ULK2: variants seen among roughly 807,000 people sequenced by gnomAD.
ULK2 encodes serine/threonine-protein kinase ULK2.
A neutral mutation model predicts 127.5 loss-of-function variants in ULK2; 76 were observed. The ratio of observed to expected loss-of-function variants is 0.60; its 90% confidence interval spans 0.50 to 0.72. ULK2 has a LOEUF of 0.72. Among genes scored for constraint, ULK2 ranks in the 30% least tolerant of loss-of-function variants. The pLI, the probability that ULK2 is intolerant of heterozygous loss-of-function variation, is 0.00. For synonymous variants in ULK2, 452 were observed against 461.9 expected (o/e 0.98, Z 0.28); for missense variants, 1,144 against 1,295.9 (o/e 0.88, Z 1.80).
intron 1 of ULK2, among the ~76,000 whole-genome samples, chr17:19,866,972 A>T (rs899163404): frequency 1.3e-5 from 2 of 152,004 alleles, no homozygotes; most frequent in Non-Finnish European, 2.9e-5. Context: ...GGGCACGGGG[A>T]AAAAAACCAA....
intron 1 of ULK2, among the ~76,000 whole-genome samples, chr17:19,866,553 C>G (rs573305451): frequency 6.6e-6 from 1 of 152,050 alleles, no homozygotes; most frequent in South Asian, 2.1e-4. Context: ...TTACTTCATC[C>G]GATAAGCAAC....
chr17:19,822,569 T>C (rs2041178687), intron 12 of ULK2, among the ~76,000 whole-genome samples: 1 of 151,886 alleles, frequency 6.6e-6, no homozygotes, highest in Non-Finnish European at 1.5e-5. Flanking sequence ...GGTTTTGGCA[T>C]GTTGGCCAGG....
In ULK2 at chr17:19,783,812, G is replaced by A; in HGVS notation, c.2345C>T (p.Pro782Leu). The change falls in exon 22 of 27, where the codon CCA becomes CTA. Residue 782 changes from proline (P) to leucine (L), a missense_variant. By Grantham distance (98) the Pro-to-Leu change is moderately conservative. Transcript: ENST00000395544. ...PPGPGFGSSP[P>L]GAEAAPSLRY... is the part of the protein sequence containing the mutation. ...CAGGCTGGGAGCTGCCTCTGCTCCT[G>A]GAGGGGAAGAGCCGAAGCCTGGGCC... 6.2e-7 allele frequency: 1 copy of A among 1,604,402 alleles called. No individual in the cohort carries two copies. Among genetic ancestry groups the A allele is most frequent in the Non-Finnish European group, 8.5e-7 (1 of 1,175,248 alleles).
At chr17:19,781,132 T>A in intron 23 of ULK2, 28 bp from the exon 24 acceptor site, 1 of 1,606,472 alleles carries the variant, frequency 6.2e-7, no homozygotes. Flanking sequence ...TAGCAGAGGG[T>A]TATCTTGTGA....
chr17:19,857,939 T>G (rs1223481954), intron 3 of ULK2, among the ~76,000 whole-genome samples: 1 of 151,986 alleles, frequency 6.6e-6, no homozygotes, highest in Non-Finnish European at 1.5e-5. Flanking sequence ...TTGGGAAACT[T>G]ACTTTATTTT....
intron 3 of ULK2, chr17:19,855,643 C>T (rs1455936229): frequency 6.8e-6 from 1 of 146,320 alleles, no homozygotes; most frequent in Non-Finnish European, 1.5e-5. Flanking sequence ...TAAAGTAAGA[C>T]CCCCCCACAA....
Position 19,787,055 on chromosome 17 carries a change from T to C in ULK2, c.2102-969A>G, listed in dbSNP as rs537772476. 5.3e-5 allele frequency among the ~76,000 whole-genome samples: 8 copies of C among 151,446 alleles called. 1 individual carries two copies. In the South Asian group the frequency reaches 6.3e-4, roughly 12 times the overall value. ...CACTCTGTCGCCAGGCTGGAGTGCATTGGCACGATCTCAGCTCACTGCAAC... is the reference window on the plus strand; with the variant it reads ...CACTCTGTCGCCAGGCTGGAGTGCACTGGCACGATCTCAGCTCACTGCAAC... On this transcript the variant is annotated intron_variant, in intron 20 of 26. Coordinates refer to ENST00000395544, the MANE Select transcript of ULK2 (RefSeq NM_014683.4).
intron 5 of ULK2, among the ~76,000 whole-genome samples, chr17:19,847,603 G>A (rs2041914160): frequency 6.6e-6 from 1 of 152,136 alleles, no homozygotes; most frequent in Non-Finnish European, 1.5e-5. Flanking sequence ...AGGCTGGAGT[G>A]CAGTGGCACA....
chr17:19,862,942 G>T (rs893591869), intron 3 of ULK2, among the ~76,000 whole-genome samples: 3 of 152,152 alleles, frequency 2.0e-5, no homozygotes, highest in African/African-American at 7.2e-5. Flanking sequence ...GACCGGGAGT[G>T]GTGGCTTACA....
In ULK2 at chr17:19,797,553, C is replaced by G. The variant is rs1567683823; in HGVS notation, c.1652G>C (p.Cys551Ser). ...GTACCCAGCCCCAGTATGGGATGGGCACACGGGGTCAGAGTGCTGTTTTCT... is the reference window on the plus strand; with the variant it reads ...GTACCCAGCCCCAGTATGGGATGGGGACACGGGGTCAGAGTGCTGTTTTCT... Reference protein sequence around the residue: ...KLRKQHSDPVCPSHTGAGYSY... With the variant: ...KLRKQHSDPVSPSHTGAGYSY... Residue 551 changes from cysteine to serine, a missense_variant, in exon 18 of 27, where the codon TGC becomes TCC. By Grantham distance (112) the Cys-to-Ser change is moderately radical. Around this residue, in one of 2 missense-constraint regions of ULK2, gnomAD observed 913 missense variants for 970.5 expected, o/e 0.94. Transcript: ENST00000395544. The G allele has an allele frequency of 3.7e-6, 6 of 1,613,752 alleles. No individual in the cohort carries two copies. The highest frequency in any genetic ancestry group is 5.1e-6 in the Non-Finnish European group (6 of 1,180,014).
intron 26 of ULK2, among the ~76,000 whole-genome samples, chr17:19,777,037 G>A (rs2086824349): frequency 6.6e-6 from 1 of 152,096 alleles, no homozygotes; most frequent in African/African-American, 2.4e-5. Flanking sequence ...ATCTAGTTAT[G>A]CATCTATTTA....
chr17:19,783,656 A>C, intron 22 of ULK2, 41 bp downstream of exon 22: 1 of 1,382,574 alleles, frequency 7.2e-7, no homozygotes, highest in African/African-American at 1.5e-5. Context: ...TTCTCATATC[A>C]AATCAACATT....
chr17:19,819,346 G>A (rs938945989), intron 12 of ULK2, among the ~76,000 whole-genome samples: 6 of 152,100 alleles, frequency 3.9e-5, no homozygotes, highest in Non-Finnish European at 5.9e-5. Flanking sequence ...GCAATCTCTT[G>A]TTTTTCCTAC....
At chr17:19,791,844 C>CAAAAAAAAA (rs58434256) in intron 20 of ULK2, among the ~76,000 whole-genome samples, 10 of 48,218 alleles carry the variant, frequency 2.1e-4, no homozygotes, top group Admixed American at 5.6e-4. Context: ...ACCCTGTTTA[C>CAAAAAAAAA]AAAAAAAAAA....
chr17:19,845,164 T>A, intron 7 of ULK2, 140 bp downstream of exon 7: 1 of 681,400 alleles, frequency 1.5e-6, no homozygotes, highest in South Asian at 2.6e-5. Flanking sequence ...TATAGCATTA[T>A]CAGTAATATA....
intron 2 of ULK2, among the ~76,000 whole-genome samples, chr17:19,865,253 G>A (rs1010543943): frequency 6.6e-6 from 1 of 152,090 alleles, no homozygotes; most frequent in African/African-American, 2.4e-5. Flanking sequence ...TTTAGTAAAT[G>A]GGGTTTTCCA....
intron 20 of ULK2, among the ~76,000 whole-genome samples, chr17:19,790,851 G>C (rs1197934753): frequency 6.6e-6 from 1 of 152,138 alleles, no homozygotes; most frequent in East Asian, 1.9e-4. Context: ...AAAAAGAGCA[G>C]GAGTAGCTAT....
rs756982575 is a variant in ULK2 at position 19,846,910 on chromosome 17, G to A, written c.296C>T (p.Ala99Val). ...CGTGTCTTCACTGAGAGTCCCTTTC[G>A]CTGGTACAAAAGGAGTCACGTAAAT... ...NGGDLADYLQ[A>V]KGTLSEDTIR... Residue 99 changes from alanine to valine, a missense_variant and splice_region_variant, in exon 6 of 27, where the codon GCG (alanine) becomes GTG (valine). This residue lies in a region of ULK2 where 231 missense variants were observed against 325.4 expected (regional missense o/e 0.71). Transcript: ENST00000395544. 2.0e-5 allele frequency: 32 copies of A among 1,605,490 alleles called. No homozygotes were observed. The highest frequency in any genetic ancestry group is 9.0e-5 in the East Asian group (4 of 44,568).
chr17:19,822,843 T>C (rs1327256380), intron 12 of ULK2, among the ~76,000 whole-genome samples: 4 of 152,048 alleles, frequency 2.6e-5, no homozygotes, highest in Non-Finnish European at 4.4e-5. Context: ...CGTGCCACCA[T>C]GCCCAGCTAA....
Sources: allele counts gnomAD v4.1 joint callset (sites outside exome capture counted in the v4.1 genomes callset), GRCh38; gene constraint gnomAD v4.1.1; regional missense constraint gnomAD v4.1.1; transcripts MANE v1.5; gene names NCBI Gene and HGNC (gene_info 2026-07-23, HGNC 2026-07-21).